The following CASP2 variants were observed in gnomAD, a reference collection of about 807,000 sequenced individuals.
The protein encoded by CASP2 is caspase 2.
CASP2 carries 38 observed loss-of-function variants against 54.4 expected under a neutral mutation model. The observed-to-expected ratio is 0.70, with a 90% CI of 0.54 to 0.92. The LOEUF is 0.92. CASP2 is among the 40% of genes least tolerant of loss of function. The pLI is 0.00. For missense variants in CASP2, 512 were observed against 579.6 expected (o/e 0.88, Z 1.20); for synonymous variants, 215 against 216.3 (o/e 0.99, Z 0.05).
chr7:143,304,275 T>C (rs1355026140), intron 9 of CASP2, among the ~76,000 whole-genome samples: 2 of 152,214 alleles, frequency 1.3e-5, no homozygotes, highest in African/African-American at 4.8e-5. Context: ...GGCAATCCTT[T>C]GAGCATCTGT....
rs1802014382 is a variant in CASP2 at position 143,304,655 on chromosome 7, A to G, written c.1118-19A>G. On this transcript the variant is annotated intron_variant, in intron 9 of 10. Coordinates refer to ENST00000310447, the MANE Select transcript of CASP2 (RefSeq NM_032982.4). ...GTGTGATGGCATTCACACTGTGATTAATGCCCTTTTGGTTGCAGGGACTGC... is the reference window on the plus strand; with the variant it reads ...GTGTGATGGCATTCACACTGTGATTGATGCCCTTTTGGTTGCAGGGACTGC... The G allele has an allele frequency of 6.3e-7, 1 of 1,587,766 alleles. No individual in the cohort carries two copies. Among genetic ancestry groups the G allele is most frequent in the East Asian group, 2.2e-5 (1 of 44,730 alleles).
At chr7:143,290,699 T>TCAAGAACC (rs1289935451) in intron 1 of CASP2, 2 of 152,308 alleles carry the variant, frequency 1.3e-5, no homozygotes, top group Non-Finnish European at 2.9e-5. Flanking sequence ...AGTTCTGGGC[T>TCAAGAACC]ATAGTGTGCT....
At position 143,291,707 on chromosome 7, in the gene CASP2, G is replaced by A. The variant is rs759018529; in HGVS notation, c.225+17G>A. ...CTCATCCAGGTATCTGGAGGCAAAA[G>A]AGAGAAGATAAATTGATCATGGGGT... On this transcript the variant is annotated intron_variant, in intron 2 of 10. Transcript: ENST00000310447. 1.4e-5 allele frequency: 23 copies of A among 1,591,866 alleles called. No individual in the cohort carries two copies. The highest frequency in any genetic ancestry group is 1.8e-5 in the Non-Finnish European group (21 of 1,165,250).
chr7:143,295,255 T>A (rs1360597397), intron 6 of CASP2, among the ~76,000 whole-genome samples: 2 of 152,188 alleles, frequency 1.3e-5, no homozygotes, highest in African/African-American at 4.8e-5. Context: ...CTCAAACTCC[T>A]GACCTCAGGT....
rs1035012170 is a variant in CASP2 at position 143,305,494 on chromosome 7, A to G, written c.*423A>G. 1.9e-5 allele frequency: 6 copies of G among 310,174 alleles called. No homozygotes were observed. The highest frequency in any genetic ancestry group is 1.5e-4 in the South Asian group (5 of 34,170). The allele number at this position is 310,174 out of a possible 1,614,324, so 19.2% of individuals were successfully genotyped here. On this transcript the variant is annotated 3_prime_UTR_variant, in exon 11 of 11. Transcript: ENST00000310447. ...CCATCTCCTATCTTTTATTTCATTC[A>G]TATCCTCCGCCCTTTTTGTCCTAGA...
rs1350852656 is a variant in CASP2 at position 143,305,285 on chromosome 7, C to G, written c.*214C>G. On this transcript the variant is annotated 3_prime_UTR_variant, in exon 11 of 11. Coordinates refer to ENST00000310447, the MANE Select transcript of CASP2 (RefSeq NM_032982.4). ...GAAGCCCTTTGCCTGTAGAGCCAGC[C>G]TTGGTTGGACCTATTGCCAGGAATG... is the stretch of plus-strand genomic sequence containing the variant. 1.7e-5 allele frequency: 11 copies of G among 639,658 alleles called. No homozygotes were observed. The highest frequency in any genetic ancestry group is 2.5e-5 in the Non-Finnish European group (9 of 359,544). The allele number at this position is 639,658 out of a possible 1,614,324, so 39.6% of individuals were successfully genotyped here. A position where few individuals can be genotyped will look rare whatever the true frequency, so the allele number is the denominator to read the frequency against.
chr7:143,289,066 C>T (rs183495903), intron 1 of CASP2, among the ~76,000 whole-genome samples: 1 of 152,274 alleles, frequency 6.6e-6, no homozygotes, highest in East Asian at 1.9e-4. Context: ...AAGGGGGTTC[C>T]TGTGGCTCCG....
At chr7:143,304,370 A>G (rs1802005973) in intron 9 of CASP2, among the ~76,000 whole-genome samples, 1 of 152,200 alleles carries the variant, frequency 6.6e-6, no homozygotes, top group African/African-American at 2.4e-5. Flanking sequence ...CATGTTTTAG[A>G]CATAATGTTG....
intron 8 of CASP2, chr7:143,300,552 G>T: frequency 6.6e-7 from 1 of 1,516,450 alleles, no homozygotes; most frequent in Non-Finnish European, 8.8e-7. Context: ...CTTATCCCGT[G>T]TCTTTGCCTT....
intron 6 of CASP2, 125 bp from the exon 7 acceptor site, chr7:143,299,798 G>T: frequency 2.9e-6 from 3 of 1,046,426 alleles, no homozygotes; most frequent in South Asian, 2.6e-5. Flanking sequence ...TTTTATCATT[G>T]ACCACAGGAA....
chr7:143,290,203 G>A (rs1801515545), intron 1 of CASP2, among the ~76,000 whole-genome samples: 1 of 151,896 alleles, frequency 6.6e-6, no homozygotes, highest in Non-Finnish European at 1.5e-5. Flanking sequence ...TAGGACTACA[G>A]GCATGCAGCA....
chr7:143,288,676 C>T, intron 1 of CASP2, 147 bp downstream of exon 1: 2 of 715,008 alleles, frequency 2.8e-6, no homozygotes, highest in Middle Eastern at 4.0e-4. Context: ...GACGCCCGCC[C>T]GAGCCGCTCC....
At chr7:143,291,238 T>G (rs1452890632) in intron 1 of CASP2, among the ~76,000 whole-genome samples, 2 of 152,226 alleles carry the variant, frequency 1.3e-5, no homozygotes, top group Non-Finnish European at 2.9e-5. Flanking sequence ...GTATTCCTTC[T>G]CATAAATATG....
intron 6 of CASP2, among the ~76,000 whole-genome samples, chr7:143,295,920 G>T (rs1801731738): frequency 6.6e-6 from 1 of 152,196 alleles, no homozygotes; most frequent in East Asian, 1.9e-4. Context: ...TGGGCATAAA[G>T]GGGCAAAGGG....
intron 9 of CASP2, among the ~76,000 whole-genome samples, chr7:143,304,421 C>T (rs569053213): frequency 6.6e-6 from 1 of 152,310 alleles, no homozygotes; most frequent in Non-Finnish European, 1.5e-5. Context: ...CCATAACTTC[C>T]GTATACACTG....
intron 9 of CASP2, among the ~76,000 whole-genome samples, chr7:143,304,138 T>A (rs1256399730): frequency 6.6e-6 from 1 of 152,198 alleles, no homozygotes; most frequent in African/African-American, 2.4e-5. Flanking sequence ...ATATTCTAAA[T>A]TTAAAACACT....
chr7:143,290,089 T>A (rs1407826252), intron 1 of CASP2, among the ~76,000 whole-genome samples: 2 of 146,944 alleles, frequency 1.4e-5, no homozygotes, highest in Non-Finnish European at 3.0e-5. Flanking sequence ...GGACGGAGTC[T>A]TTGCTGTGTC....
In CASP2 at chr7:143,294,740, T is replaced by C; in HGVS notation, c.714T>C (p.Tyr238=). The C allele has an allele frequency of 1.2e-6, 2 of 1,614,218 alleles. No homozygotes were observed. Among genetic ancestry groups the C allele is most frequent in the Non-Finnish European group, 1.7e-6 (2 of 1,180,026 alleles). ...TLVTLFKLLG[Y]DVHVLCDQTA... is the part of the protein sequence containing the mutation. ...TCACCCTCTTCAAGCTTTTGGGCTATGACGTCCATGTTCTATGTGACCAGA... is the reference window on the plus strand; with the variant it reads ...TCACCCTCTTCAAGCTTTTGGGCTACGACGTCCATGTTCTATGTGACCAGA... The change falls in exon 6 of 11, where the codon TAT becomes TAC. Residue 238 remains tyrosine, a synonymous_variant. Coordinates refer to ENST00000310447, the MANE Select transcript of CASP2 (RefSeq NM_032982.4).
In CASP2 at chr7:143,294,241, C is replaced by G. The variant is rs1236140371; in HGVS notation, c.487C>G (p.His163Asp). 6.2e-7 allele frequency: 1 copy of G among 1,602,880 alleles called. No homozygotes were observed. The highest frequency in any genetic ancestry group is 2.2e-5 in the East Asian group (1 of 44,808). ...TGTCTATACCACAGATACTGTGGAA[C>G]ACTCCCTAGACAATAAAGATGGTCC... ...KLRLSTDTVE[H>D]SLDNKDGPVC... Residue 163 changes from histidine to aspartate, a missense_variant, in exon 5 of 11, where the codon CAC becomes GAC. By Grantham distance (81) the His-to-Asp change is moderately conservative. Transcript: ENST00000310447.
Sources: gnomAD v4.1 joint callset for allele counts (sites outside exome capture counted in the v4.1 genomes callset) on GRCh38, gnomAD v4.1.1 for gene constraint, MANE v1.5 for transcripts, NCBI Gene and HGNC (gene_info 2026-07-23, HGNC 2026-07-21) for gene names.